Variants in FUT2 observed in about 807,000 individuals in gnomAD.
FUT2 encodes fucosyltransferase 2 (H blood group), also known as galactoside alpha-(1,2)-fucosyltransferase 2.
For synonymous variants in FUT2, 182 were observed against 193.1 expected (o/e 0.94, Z 0.48); for missense variants, 419 against 465.8 (o/e 0.90, Z 0.93).
At chr19:48,698,184 CA>C (rs1325843210) in intron 1 of FUT2, among the ~76,000 whole-genome samples, 1 of 151,934 alleles carries the variant, frequency 6.6e-6, no homozygotes, top group African/African-American at 2.4e-5. Context: ...TAAAGTCACA[CA>C]GCACATAAAA....
intron 1 of FUT2, among the ~76,000 whole-genome samples, chr19:48,699,791 G>C (rs565554337): frequency 5.7e-4 from 87 of 151,974 alleles, no homozygotes; most frequent in Non-Finnish European, 1.2e-3. Flanking sequence ...TTGAGTCATC[G>C]AGTCCAGCAT....
chr19:48,697,495 A>AC (rs1357721322), intron 1 of FUT2, among the ~76,000 whole-genome samples: 2 of 150,708 alleles, frequency 1.3e-5, no homozygotes, highest in African/African-American at 4.9e-5. Context: ...ACATAGCAAG[A>AC]CCCCCTCCCC....
intron 1 of FUT2, among the ~76,000 whole-genome samples, chr19:48,700,743 C>T (rs2032502313): frequency 6.6e-6 from 1 of 152,062 alleles, no homozygotes; most frequent in African/African-American, 2.4e-5. Context: ...TCGTTCTTGT[C>T]TTGGTCCCTT....
chr19:48,697,152 T>C (rs1399677444), intron 1 of FUT2, among the ~76,000 whole-genome samples: 2 of 149,832 alleles, frequency 1.3e-5, no homozygotes, highest in African/African-American at 2.5e-5. Flanking sequence ...TCGAGACCAG[T>C]CTGGCCAACA....
At chr19:48,697,558 G>A (rs1053555012) in intron 1 of FUT2, among the ~76,000 whole-genome samples, 2 of 152,026 alleles carry the variant, frequency 1.3e-5, no homozygotes, top group Non-Finnish European at 2.9e-5. Flanking sequence ...CAGGCAGAAT[G>A]GGAGTGGTGC....
At chr19:48,699,640 A>G (rs1011626454) in intron 1 of FUT2, among the ~76,000 whole-genome samples, 4 of 152,012 alleles carry the variant, frequency 2.6e-5, no homozygotes, top group Non-Finnish European at 5.9e-5. Context: ...AATAGCAAAC[A>G]TTTACCGCCT....
chr19:48,698,556 C>G (rs911992743), intron 1 of FUT2, among the ~76,000 whole-genome samples: 1 of 151,982 alleles, frequency 6.6e-6, no homozygotes, highest in Non-Finnish European at 1.5e-5. Flanking sequence ...GTTCTCCTGC[C>G]TCAGCCTCCT....
At chr19:48,697,781 G>A (rs1442804118) in intron 1 of FUT2, among the ~76,000 whole-genome samples, 11 of 151,916 alleles carry the variant, frequency 7.2e-5, no homozygotes, top group African/African-American at 2.7e-4. Flanking sequence ...TGCAACCTCC[G>A]CCTCCCAGGT....
intron 1 of FUT2, among the ~76,000 whole-genome samples, chr19:48,698,055 A>C: frequency 7.2e-6 from 1 of 138,784 alleles, no homozygotes; most frequent in East Asian, 2.1e-4. Context: ...GCTGGAGTGC[A>C]ATGGTGTGAT....
At position 48,699,489 on chromosome 19, in the gene FUT2, T is replaced by A. The variant is rs889819384; in HGVS notation, c.-3+3400T>A. ...CTGGCATTACAGGCGTGAGCCACTGTGCCCGGCTACCTCCCGTTCTATGAT... is the reference window on the plus strand; with the variant it reads ...CTGGCATTACAGGCGTGAGCCACTGAGCCCGGCTACCTCCCGTTCTATGAT... On this transcript the variant is annotated intron_variant, in intron 1 of 1. Coordinates refer to ENST00000425340, the MANE Select transcript of FUT2 (RefSeq NM_000511.6). 3.9e-5 allele frequency among the ~76,000 whole-genome samples: 6 copies of A among 152,166 alleles called. No homozygotes were observed. The South Asian group carries it at 1.3e-3, about 32-fold the overall frequency.
At chr19:48,699,137 G>A (rs1438223438) in intron 1 of FUT2, among the ~76,000 whole-genome samples, 1 of 151,932 alleles carries the variant, frequency 6.6e-6, no homozygotes, top group Non-Finnish European at 1.5e-5. Flanking sequence ...GGCAAGTGTT[G>A]ACATGGGAGC....
chr19:48,704,991 AAGTCC>A lies in FUT2; in HGVS notation c.*1004_*1008del. 2.4e-6 allele frequency: 1 copy of A among 410,526 alleles called. No individual in the cohort carries two copies. 25.4% of individuals were successfully genotyped at this position (410,526 alleles called of 1,614,324 possible). On this transcript the variant is annotated 3_prime_UTR_variant, in exon 2 of 2. Coordinates refer to ENST00000425340, the MANE Select transcript of FUT2 (RefSeq NM_000511.6). ...GGTTGTGTAGGTTGTTCACTGCAGG[AAGTCC>A]CCTGGTTAAGAAGGCAAGTGGGGTT...
At position 48,703,620 on chromosome 19, in the gene FUT2, T is replaced by C. The variant is rs566786412; in HGVS notation, c.664T>C (p.Tyr222His). Residue 222 changes from tyrosine (Y) to histidine (H), a missense_variant, in exon 2 of 2, where the codon TAC becomes CAC. Transcript: ENST00000425340. ...GAAGGGGGTGGTGGCCGACCGGCGA[T>C]ACCTACAGCAGGCCCTGGACTGGTT... Reference protein sequence around the residue: ...VWKGVVADRRYLQQALDWFRA... With the variant: ...VWKGVVADRRHLQQALDWFRA... 1.4e-5 allele frequency: 23 copies of C among 1,613,110 alleles called. 1 individual carries two copies. The South Asian group carries it at 2.0e-4, about 14-fold the overall frequency.
rs1460550564 is a variant in FUT2 at position 48,703,524 on chromosome 19, A to T, written c.568A>T (p.Ser190Cys). ...CCTGCGGGGCCTGCAGGTGAACGGG[A>T]GCCGGCCGGGCACCTTTGTAGGGGT... ...KFLRGLQVNG[S>C]RPGTFVGVHV... is the part of the protein sequence containing the mutation. The change falls in exon 2 of 2, where the codon AGC becomes TGC. Residue 190 changes from serine to cysteine, a missense_variant. Ser to Cys is a moderately radical substitution (Grantham distance 112). Coordinates refer to ENST00000425340, the MANE Select transcript of FUT2 (RefSeq NM_000511.6). 1 of 1,613,022 alleles carries T rather than the reference A, an allele frequency of 6.2e-7. No individual in the cohort carries two copies. Among genetic ancestry groups the T allele is most frequent in the Non-Finnish European group, 8.5e-7 (1 of 1,180,014 alleles).
At chr19:48,701,285 TCTC>T (rs2032512375) in intron 1 of FUT2, among the ~76,000 whole-genome samples, 1 of 151,866 alleles carries the variant, frequency 6.6e-6, no homozygotes, top group East Asian at 2.0e-4. Flanking sequence ...TTCAAGCAAT[TCTC>T]CTGCCTCAGC....
Position 48,705,056 on chromosome 19 carries a change from G to T in FUT2, c.*1068G>T. On this transcript the variant is annotated 3_prime_UTR_variant, in exon 2 of 2. Coordinates refer to ENST00000425340, the MANE Select transcript of FUT2 (RefSeq NM_000511.6). Reference sequence around the variant, plus strand: ...CCACAGTCTACTCATCAAACCAGGTGTCCTTGGCATTGTGTCCACCCAGAG... The same window carrying T: ...CCACAGTCTACTCATCAAACCAGGTTTCCTTGGCATTGTGTCCACCCAGAG... The T allele has an allele frequency of 2.6e-6, 1 of 385,690 alleles. No homozygotes were observed. The highest frequency in any genetic ancestry group is 4.8e-6 in the Non-Finnish European group (1 of 208,674). 23.9% of individuals were successfully genotyped at this position (385,690 alleles called of 1,614,324 possible). A position where few individuals can be genotyped will look rare whatever the true frequency, so the allele number is the denominator to read the frequency against.
Position 48,703,115 on chromosome 19 carries a change from G to A in FUT2, c.159G>A (p.Lys53=). 1 of 1,613,478 alleles carries A rather than the reference G, an allele frequency of 6.2e-7. No individual in the cohort carries two copies. Among genetic ancestry groups the A allele is most frequent in the Non-Finnish European group, 8.5e-7 (1 of 1,180,034 alleles). The change falls in exon 2 of 2, where the codon AAG becomes AAA. Residue 53 remains lysine, a synonymous_variant. Coordinates refer to ENST00000425340, the MANE Select transcript of FUT2 (RefSeq NM_000511.6). ...VQIPVLASTS[K]ALGPSQLRGM... is the part of the protein sequence containing the mutation. ...TACCAGTGCTAGCCTCAACATCAAA[G>A]GCACTGGGACCCAGCCAGCTCAGGG...
chr19:48,702,714 A>G (rs1423245629), intron 1 of FUT2, among the ~76,000 whole-genome samples: 1 of 151,998 alleles, frequency 6.6e-6, no homozygotes, highest in Non-Finnish European at 1.5e-5. Context: ...ATTACACACA[A>G]TGTGTACGCA....
chr19:48,701,082 A>G (rs1014155962), intron 1 of FUT2, among the ~76,000 whole-genome samples: 2 of 152,014 alleles, frequency 1.3e-5, no homozygotes, highest in Non-Finnish European at 2.9e-5. Context: ...ACAGACCCAC[A>G]GTCTACTCAT....
Sources: allele counts gnomAD v4.1 joint callset (sites outside exome capture counted in the v4.1 genomes callset), GRCh38; gene constraint gnomAD v4.1.1; transcripts MANE v1.5; gene names NCBI Gene and HGNC (gene_info 2026-07-23, HGNC 2026-07-21).